The following TLK1 variants were observed in gnomAD, a reference collection of about 807,000 sequenced individuals.
The protein encoded by TLK1 is serine/threonine-protein kinase tousled-like 1.
Under a neutral mutation model 105.3 loss-of-function variants are expected in TLK1, and 24 were observed. The ratio of observed to expected loss-of-function variants is 0.23; its 90% confidence interval spans 0.17 to 0.32. The LOEUF (loss-of-function observed/expected upper bound fraction) is 0.32, where lower values mean the gene tolerates loss of function less well. Among genes scored for constraint, TLK1 ranks in the 10% least tolerant of loss-of-function variants. TLK1 has a pLI of 1.00. For missense variants in TLK1, 558 were observed against 910.5 expected, an observed-to-expected ratio of 0.61 and a Z score of 4.98; for synonymous variants, 321 against 310.4, an observed-to-expected ratio of 1.03 and a Z score of -0.36.
At chr2:171,214,440 T>C in intron 1 of TLK1, among the ~76,000 whole-genome samples, 1 of 152,136 alleles carries the variant, frequency 6.6e-6, no homozygotes, top group Admixed American at 6.6e-5. Flanking sequence ...CAGGCACTAG[T>C]TGTATACAAC....
chr2:171,002,007 G>A (rs778947209), intron 18 of TLK1, among the ~76,000 whole-genome samples: 2 of 152,026 alleles, frequency 1.3e-5, no homozygotes, highest in Non-Finnish European at 2.9e-5. Flanking sequence ...TCGATCTCTT[G>A]ACCTCATGAT....
chr2:171,126,021 C>A (rs919125003), intron 1 of TLK1, among the ~76,000 whole-genome samples: 1 of 152,044 alleles, frequency 6.6e-6, no homozygotes, highest in Non-Finnish European at 1.5e-5. Flanking sequence ...CCATCAAATT[C>A]TTTATTACAA....
intron 1 of TLK1, among the ~76,000 whole-genome samples, chr2:171,154,860 T>C (rs1361179613): frequency 6.6e-6 from 1 of 152,196 alleles, no homozygotes; most frequent in African/African-American, 2.4e-5. Context: ...GTATTATTAC[T>C]TACTACACTT....
chr2:170,995,581 T>G (rs1684017297), intron 20 of TLK1, among the ~76,000 whole-genome samples: 1 of 152,188 alleles, frequency 6.6e-6, no homozygotes, highest in South Asian at 2.1e-4. Context: ...TAATTTCTGT[T>G]CTCAATGAGG....
intron 1 of TLK1, among the ~76,000 whole-genome samples, chr2:171,175,503 C>G (rs1441138965): frequency 6.6e-6 from 1 of 152,118 alleles, no homozygotes; most frequent in Non-Finnish European, 1.5e-5. Context: ...ATATAAGGGA[C>G]TTGAGTATCC....
intron 1 of TLK1, among the ~76,000 whole-genome samples, chr2:171,131,058 T>C (rs1207745105): frequency 6.6e-6 from 1 of 152,064 alleles, no homozygotes; most frequent in Non-Finnish European, 1.5e-5. Context: ...GATAGATACC[T>C]ATATATCTTT....
chr2:171,107,035 A>G (rs956990273), intron 2 of TLK1, among the ~76,000 whole-genome samples: 1 of 152,144 alleles, frequency 6.6e-6, no homozygotes, highest in African/African-American at 2.4e-5. Flanking sequence ...GCCTCATCCA[A>G]TCTACAACAA....
intron 1 of TLK1, among the ~76,000 whole-genome samples, chr2:171,220,859 A>G (rs1270246034): frequency 6.6e-6 from 1 of 152,018 alleles, no homozygotes; most frequent in African/African-American, 2.4e-5. Context: ...AAACCTCCTC[A>G]TCCTACCCAC....
At chr2:171,191,084 C>A (rs925241162) in intron 1 of TLK1, among the ~76,000 whole-genome samples, 5 of 151,862 alleles carry the variant, frequency 3.3e-5, no homozygotes, top group Admixed American at 6.6e-5. Context: ...CACTTGAACC[C>A]AGGAGGTGGA....
At chr2:171,089,785 C>T (rs1689147121) in intron 2 of TLK1, among the ~76,000 whole-genome samples, 1 of 152,162 alleles carries the variant, frequency 6.6e-6, no homozygotes, top group African/African-American at 2.4e-5. Context: ...CGTGATCCTC[C>T]CGTTCAACCT....
intron 2 of TLK1, among the ~76,000 whole-genome samples, chr2:171,107,283 G>A (rs1376012436): frequency 6.6e-6 from 1 of 152,204 alleles, no homozygotes; most frequent in Non-Finnish European, 1.5e-5. Context: ...TTATGGTGGT[G>A]AGAAATGGTG....
At chr2:171,090,017 TTGCAC>T (rs1689158787) in intron 2 of TLK1, among the ~76,000 whole-genome samples, 2 of 152,198 alleles carry the variant, frequency 1.3e-5, no homozygotes, top group South Asian at 4.1e-4. Context: ...TTAATTGGTA[TTGCAC>T]TGAAGCTACA....
rs147701008 is a variant in TLK1 at position 171,137,556 on chromosome 2, G to C, written c.140-19699C>G. 5.1e-3 allele frequency among the ~76,000 whole-genome samples: 770 copies of C among 152,078 alleles called. 6 individuals carry two copies. Among genetic ancestry groups the C allele is most frequent in the African/African-American group, 0.017 (716 of 41,468 alleles). ...TATCCGGAATAAGCCTCAGTTTTAA[G>C]ATAAACTTTCAGCCAGGCGCAGTGG... On this transcript the variant is annotated intron_variant, in intron 1 of 20. Transcript: ENST00000431350.
At chr2:171,104,861 G>T (rs1165143243) in intron 2 of TLK1, among the ~76,000 whole-genome samples, 1 of 152,126 alleles carries the variant, frequency 6.6e-6, no homozygotes, top group Admixed American at 6.6e-5. Context: ...CAGATCAATG[G>T]AACAGAATAG....
chr2:171,143,091 CTGAA>C (rs1438845168), intron 1 of TLK1, among the ~76,000 whole-genome samples: 2 of 151,906 alleles, frequency 1.3e-5, no homozygotes, highest in South Asian at 2.1e-4. Flanking sequence ...AAATGAATGA[CTGAA>C]TGAAGGAATG....
At position 171,117,877 on chromosome 2, in the gene TLK1, T is replaced by C. The variant is rs780308972; in HGVS notation, c.140-20A>G. ...TTGCACCTATTAAGAAAAAAAAATA[T>C]ATATGTACACATATATATGTGTGTA... On this transcript the variant is annotated intron_variant, in intron 1 of 20. Transcript: ENST00000431350. 9 of 1,521,490 alleles carry C rather than the reference T, an allele frequency of 5.9e-6. No homozygotes were observed. In the South Asian group the frequency reaches 9.2e-5, roughly 15 times the overall value. 94.2% of individuals were successfully genotyped at this position (1,521,490 alleles called of 1,614,324 possible).
intron 20 of TLK1, among the ~76,000 whole-genome samples, chr2:170,996,291 G>A (rs938305301): frequency 1.3e-5 from 2 of 152,138 alleles, no homozygotes; most frequent in South Asian, 2.1e-4. Flanking sequence ...GAGCCACCAC[G>A]CCCAGCCTTA....
At chr2:171,159,971 G>GCTCGCGTCTGGGGGGAGGCTTCCCACCCT (rs1410248836) in intron 1 of TLK1, 8 of 268,332 alleles carry the variant, frequency 3.0e-5, no homozygotes, top group Non-Finnish European at 6.9e-6. Flanking sequence ...GCAGAAAGGG[G>GCTCGCGTCTGGGGGGAGGCTTCCCACCCT]CTCGCGTCTG....
chr2:171,060,725 T>C (rs1687712209), intron 4 of TLK1, among the ~76,000 whole-genome samples: 3 of 152,208 alleles, frequency 2.0e-5, no homozygotes, highest in Admixed American at 2.0e-4. Flanking sequence ...ATTATTTTGA[T>C]AGCCTTTTTT....
Sources: allele counts gnomAD v4.1 joint callset (sites outside exome capture counted in the v4.1 genomes callset), GRCh38; gene constraint gnomAD v4.1.1; transcripts MANE v1.5; gene names NCBI Gene and HGNC (gene_info 2026-07-23, HGNC 2026-07-21).